The following TMEM117 variants were observed in gnomAD, a reference collection of about 807,000 sequenced individuals.
The protein encoded by TMEM117 is transmembrane protein 117.
A neutral mutation model predicts 52.4 loss-of-function variants in TMEM117; 27 were observed. The observed-to-expected ratio is 0.51, with a 90% CI of 0.38 to 0.71. TMEM117 has a LOEUF of 0.71. Among genes scored for constraint, TMEM117 ranks in the 30% least tolerant of loss-of-function variants. The probability of loss-of-function intolerance (pLI) is 0.00; values close to 1 mark genes in which losing one functional copy is unlikely to be tolerated. For missense variants in TMEM117, 556 were observed against 630.5 expected (o/e 0.88, Z 1.26); for synonymous variants, 215 against 206.3 (o/e 1.04, Z -0.36).
chr12:44,335,624 T>A (rs1256234511), intron 6 of TMEM117, among the ~76,000 whole-genome samples: 1 of 152,086 alleles, frequency 6.6e-6, no homozygotes, highest in East Asian at 1.9e-4. Context: ...TGGTAATAAC[T>A]ATGTAGTCCT....
chr12:44,118,137 CT>C (rs1225722397), intron 3 of TMEM117, among the ~76,000 whole-genome samples: 1 of 151,786 alleles, frequency 6.6e-6, no homozygotes, highest in Non-Finnish European at 1.5e-5. Flanking sequence ...ATCTTTAATG[CT>C]TTTTATAGAT....
Position 44,018,448 on chromosome 12 carries a change from G to A in TMEM117, c.410+74106G>A, listed in dbSNP as rs184270677. On this transcript the variant is annotated intron_variant, in intron 3 of 7. Coordinates refer to ENST00000266534, the MANE Select transcript of TMEM117 (RefSeq NM_032256.3). Reference sequence around the variant, plus strand: ...CATGTAAAATCTCTACACTATATTAGATGAAACACATTTGAAGTAATTTTA... The same window carrying A: ...CATGTAAAATCTCTACACTATATTAAATGAAACACATTTGAAGTAATTTTA... Among the ~76,000 whole-genome samples, 259 of 152,226 alleles carry A rather than the reference G, an allele frequency of 1.7e-3. 1 individual carries two copies. The highest frequency in any genetic ancestry group is 6.1e-3 in the African/African-American group (252 of 41,546).
intron 2 of TMEM117, among the ~76,000 whole-genome samples, chr12:43,858,563 C>T (rs540117028): frequency 6.6e-6 from 1 of 152,320 alleles, no homozygotes; most frequent in South Asian, 2.1e-4. Context: ...CCATCAGTAA[C>T]CTCATTTTCT....
intron 2 of TMEM117, among the ~76,000 whole-genome samples, chr12:43,853,755 G>C (rs1943351696): frequency 6.6e-6 from 1 of 152,176 alleles, no homozygotes; most frequent in Non-Finnish European, 1.5e-5. Context: ...CAAATGAATA[G>C]TATGGACTGT....
chr12:44,305,579 T>C (rs1046520965), intron 6 of TMEM117, among the ~76,000 whole-genome samples: 3 of 149,914 alleles, frequency 2.0e-5, no homozygotes, highest in Non-Finnish European at 4.4e-5. Context: ...AATCATCAGA[T>C]AAATGCAAAT....
At position 44,388,331 on chromosome 12, in the gene TMEM117, A is replaced by G. The variant is rs767727138; in HGVS notation, c.1204A>G (p.Ile402Val). The G allele has an allele frequency of 6.2e-7, 1 of 1,613,610 alleles. No individual in the cohort carries two copies. The highest frequency in any genetic ancestry group is 1.1e-5 in the South Asian group (1 of 91,070). Residue 402 changes from isoleucine (I) to valine (V), a missense_variant, in exon 8 of 8, where the codon ATA (isoleucine) becomes GTA (valine). This residue lies in a region of TMEM117 where 206 missense variants were observed against 211.1 expected (regional missense o/e 0.98). Coordinates refer to ENST00000266534, the MANE Select transcript of TMEM117 (RefSeq NM_032256.3). ...GTGTCTGGCCTTTGTTCCAAGCCTG[A>G]TAGCCTTTGTGTGGTTTGGATTCTT... ...VKCLAFVPSL[I>V]AFVWFGFFIW...
chr12:43,937,126 A>G (rs959483768), intron 2 of TMEM117, among the ~76,000 whole-genome samples: 2 of 152,136 alleles, frequency 1.3e-5, no homozygotes, highest in Non-Finnish European at 2.9e-5. Flanking sequence ...GGAAGTTAGG[A>G]TAGTCATGAA....
intron 4 of TMEM117, among the ~76,000 whole-genome samples, chr12:44,195,075 C>A (rs74830372): frequency 0.077 from 11,761 of 152,208 alleles, 1,378 homozygotes; most frequent in African/African-American, 0.26. Context: ...TGATAGCTCA[C>A]TCTTCTGTAG....
chr12:44,260,975 T>C (rs966645544), intron 5 of TMEM117, among the ~76,000 whole-genome samples: 2 of 152,244 alleles, frequency 1.3e-5, no homozygotes, highest in African/African-American at 2.4e-5. Flanking sequence ...ATGTTTCTTG[T>C]ATAATAATCT....
At chr12:44,103,853 C>T (rs534389680) in intron 3 of TMEM117, among the ~76,000 whole-genome samples, 1 of 152,114 alleles carries the variant, frequency 6.6e-6, no homozygotes, top group African/African-American at 2.4e-5. Context: ...CACTAGATTT[C>T]CCCCTCAAGC....
chr12:44,369,996 A>T (rs569040680), intron 6 of TMEM117, among the ~76,000 whole-genome samples: 2 of 152,298 alleles, frequency 1.3e-5, no homozygotes, highest in Non-Finnish European at 2.9e-5. Flanking sequence ...CATCCTTCAA[A>T]TTTATGGCAG....
chr12:44,381,605 GC>G (rs1425211309), intron 7 of TMEM117, among the ~76,000 whole-genome samples: 1 of 152,132 alleles, frequency 6.6e-6, no homozygotes, highest in East Asian at 1.9e-4. Context: ...CACACTGTTG[GC>G]ACGATGATGC....
chr12:43,951,989 AG>A (rs1945231368), intron 3 of TMEM117, among the ~76,000 whole-genome samples: 1 of 152,186 alleles, frequency 6.6e-6, no homozygotes, highest in African/African-American at 2.4e-5. Context: ...GTGATAACCC[AG>A]GCGAACAGAG....
At chr12:44,115,818 A>T (rs1948131583) in intron 3 of TMEM117, among the ~76,000 whole-genome samples, 1 of 152,228 alleles carries the variant, frequency 6.6e-6, no homozygotes. Context: ...CTTAGAGTTA[A>T]ATAGAGAAAT....
chr12:43,924,330 T>C (rs569360802), intron 2 of TMEM117, among the ~76,000 whole-genome samples: 1 of 152,278 alleles, frequency 6.6e-6, no homozygotes, highest in East Asian at 1.9e-4. Context: ...GCGTAGACAC[T>C]GGTCATATAA....
In TMEM117 at chr12:44,388,695, A is replaced by G; in HGVS notation, c.*23A>G. On this transcript the variant is annotated 3_prime_UTR_variant, in exon 8 of 8. Transcript: ENST00000266534. Reference sequence around the variant, plus strand: ...TAGACTCGGAGATAGACTTGGAGATAACACAAAAAGCAACCTTGAGTGTAA... The same window carrying G: ...TAGACTCGGAGATAGACTTGGAGATGACACAAAAAGCAACCTTGAGTGTAA... 1 of 1,601,302 alleles carries G rather than the reference A, an allele frequency of 6.2e-7. No homozygotes were observed. Among genetic ancestry groups the G allele is most frequent in the Non-Finnish European group, 8.5e-7 (1 of 1,174,010 alleles).
intron 4 of TMEM117, among the ~76,000 whole-genome samples, chr12:44,190,337 A>G (rs1363890337): frequency 1.3e-5 from 2 of 152,208 alleles, no homozygotes; most frequent in Non-Finnish European, 2.9e-5. Flanking sequence ...TCTTCAAGCT[A>G]TGCTTCTCAA....
At position 43,908,150 on chromosome 12, in the gene TMEM117, G is replaced by A. The variant is rs551405916; in HGVS notation, c.278-36060G>A. On this transcript the variant is annotated intron_variant, in intron 2 of 7. Transcript: ENST00000266534. ...CCATCAGACTAACAGCGGATCTCTC[G>A]GCAGAAACTCTACAAGCCAGAAGAG... 3.2e-4 allele frequency among the ~76,000 whole-genome samples: 20 copies of A among 62,500 alleles called. 6 individuals carry two copies. Among genetic ancestry groups the A allele is most frequent in the Non-Finnish European group, 8.6e-4 (17 of 19,704 alleles). The allele number at this position is 62,500 out of a possible 152,430, so 41.0% of individuals were successfully genotyped here. A position where few individuals can be genotyped will look rare whatever the true frequency, so the allele number is the denominator to read the frequency against.
chr12:44,128,606 G>A (rs1481084992), intron 3 of TMEM117, among the ~76,000 whole-genome samples: 2 of 152,124 alleles, frequency 1.3e-5, no homozygotes, highest in Admixed American at 1.3e-4. Context: ...CATCCTAAGT[G>A]GCTTTTCTTT....
Sources: allele counts gnomAD v4.1 joint callset (sites outside exome capture counted in the v4.1 genomes callset), GRCh38; gene constraint gnomAD v4.1.1; regional missense constraint gnomAD v4.1.1; transcripts MANE v1.5; gene names NCBI Gene and HGNC (gene_info 2026-07-23, HGNC 2026-07-21).